SKI: variants seen among roughly 807,000 people sequenced by gnomAD.
The protein encoded by SKI is ski oncogene.
SKI carries 23 observed loss-of-function variants against 59.3 expected under a neutral mutation model. That is an observed-to-expected ratio of 0.39 (90% CI 0.28 to 0.55). SKI has a LOEUF of 0.55. Among genes scored for constraint, SKI ranks in the 20% least tolerant of loss-of-function variants. SKI has a pLI of 0.67. For missense variants in SKI, 1,017 were observed against 1,038.9 expected (o/e 0.98, Z 0.29); for synonymous variants, 673 against 488.6 (o/e 1.38, Z -4.98).
chr1:2,303,741 C>T lies in SKI; in HGVS notation c.1212-99C>T. On this transcript the variant is annotated intron_variant, in intron 3 of 6. Coordinates refer to ENST00000378536, the MANE Select transcript of SKI (RefSeq NM_003036.4). This position sits in a 1 kb window ranked among gnomAD's most constrained non-coding sequence, Gnocchi z 5.6. ...CTTGAAGATTCGGAGCTGGGAAAGT[C>T]TTTCCTGTTTAACACCTTCAGAGGG... 1 of 1,477,720 alleles carries T rather than the reference C, an allele frequency of 6.8e-7. No individual in the cohort carries two copies. Among genetic ancestry groups the T allele is most frequent in the Non-Finnish European group, 9.3e-7 (1 of 1,080,602 alleles). 91.5% of individuals were successfully genotyped at this position (1,477,720 alleles called of 1,614,324 possible). A position where few individuals can be genotyped will look rare whatever the true frequency, so the allele number is the denominator to read the frequency against.
At chr1:2,256,413 C>T (rs1639276345) in intron 1 of SKI, among the ~76,000 whole-genome samples, 1 of 152,260 alleles carries the variant, frequency 6.6e-6, no homozygotes, top group African/African-American at 2.4e-5. Flanking sequence ...CTCAGGATCT[C>T]TGGCTGCTCC....
At position 2,275,511 on chromosome 1, in the gene SKI, G is replaced by A. The variant is rs114998133; in HGVS notation, c.970-27467G>A. Among the ~76,000 whole-genome samples the A allele has an allele frequency of 3.9e-3, 599 of 152,218 alleles. 4 individuals carry two copies. The highest frequency in any genetic ancestry group is 0.036 in the East Asian group (185 of 5,158). Reference sequence around the variant, plus strand: ...GTGGGGAGAGTTTGCTTTTTCCAGAGACGTTTATCTGTTTTTTTTTTAGAC... The same window carrying A: ...GTGGGGAGAGTTTGCTTTTTCCAGAAACGTTTATCTGTTTTTTTTTTAGAC... On this transcript the variant is annotated intron_variant, in intron 1 of 6. Coordinates refer to ENST00000378536, the MANE Select transcript of SKI (RefSeq NM_003036.4).
chr1:2,245,495 C>T (rs537808680), intron 1 of SKI, among the ~76,000 whole-genome samples: 17 of 151,908 alleles, frequency 1.1e-4, no homozygotes, highest in African/African-American at 1.2e-4. Context: ...ATTTTTGAGA[C>T]AGCATCTTGC....
chr1:2,277,558 G>A (rs1162218413), intron 1 of SKI, among the ~76,000 whole-genome samples: 1 of 152,210 alleles, frequency 6.6e-6, no homozygotes, highest in African/African-American at 2.4e-5. Flanking sequence ...CAGCCATGTG[G>A]AACTGTAAGT....
At chr1:2,297,354 A>T (rs1640309687) in intron 1 of SKI, among the ~76,000 whole-genome samples, 1 of 152,130 alleles carries the variant, frequency 6.6e-6, no homozygotes, top group Non-Finnish European at 1.5e-5. Flanking sequence ...AGCGTAGCAG[A>T]GTGTTGCTGG....
intron 1 of SKI, among the ~76,000 whole-genome samples, chr1:2,242,920 T>C (rs1357282384): frequency 6.6e-6 from 1 of 152,270 alleles, no homozygotes; most frequent in Admixed American, 6.5e-5. Flanking sequence ...GGAATATTAT[T>C]GTGACATGCT....
At chr1:2,294,465 G>A (rs143997110) in intron 1 of SKI, among the ~76,000 whole-genome samples, 99 of 152,348 alleles carry the variant, frequency 6.5e-4, no homozygotes, top group Admixed American at 1.5e-3. Flanking sequence ...ACCAGGGCAG[G>A]CCCCAGAGAC....
At chr1:2,278,208 C>A (rs1557835431) in intron 1 of SKI, among the ~76,000 whole-genome samples, 1 of 152,200 alleles carries the variant, frequency 6.6e-6, no homozygotes, top group Non-Finnish European at 1.5e-5. Context: ...CTGTGCCCCA[C>A]CCATCATGGG....
intron 1 of SKI, among the ~76,000 whole-genome samples, chr1:2,248,672 C>T (rs1260532763): frequency 6.6e-6 from 1 of 152,224 alleles, no homozygotes; most frequent in Non-Finnish European, 1.5e-5. Flanking sequence ...TTTTCCTTTG[C>T]CCACAGTGAA....
At chr1:2,295,900 C>A (rs1441070866) in intron 1 of SKI, among the ~76,000 whole-genome samples, 2 of 152,216 alleles carry the variant, frequency 1.3e-5, no homozygotes, top group East Asian at 3.9e-4. Context: ...TGTGCACAAG[C>A]TGTCGTGTGG....
intron 1 of SKI, among the ~76,000 whole-genome samples, chr1:2,235,421 C>T (rs932637177): frequency 1.3e-5 from 2 of 152,332 alleles, no homozygotes; most frequent in East Asian, 3.9e-4. Flanking sequence ...GCCACCTGTT[C>T]TCTCGAGGCC....
At chr1:2,237,775 C>T (rs1203734501) in intron 1 of SKI, among the ~76,000 whole-genome samples, 1 of 152,238 alleles carries the variant, frequency 6.6e-6, no homozygotes, top group African/African-American at 2.4e-5. Context: ...GTTGAGGGAA[C>T]GTGTCTGTCC....
Position 2,273,533 on chromosome 1 carries a change from C to T in SKI, c.970-29445C>T, listed in dbSNP as rs11588666. ...GCCTGGCCCTGCCTCTGTTACTGAG[C>T]TTGAGCCAGGGACACCCGTGACCCT... On this transcript the variant is annotated intron_variant, in intron 1 of 6. Transcript: ENST00000378536. Among the ~76,000 whole-genome samples, 1,010 of 152,260 alleles carry T rather than the reference C, an allele frequency of 6.6e-3. 11 individuals carry two copies. The highest frequency in any genetic ancestry group is 6.9e-3 in the Non-Finnish European group (469 of 68,010).
chr1:2,238,381 G>T (rs925356362), intron 1 of SKI, among the ~76,000 whole-genome samples: 5 of 152,066 alleles, frequency 3.3e-5, no homozygotes, highest in African/African-American at 7.2e-5. Flanking sequence ...TGGAAGGTCG[G>T]CGGCCCTGCG....
intron 1 of SKI, among the ~76,000 whole-genome samples, chr1:2,300,159 T>A (rs1640389604): frequency 6.6e-6 from 1 of 152,230 alleles, no homozygotes; most frequent in Admixed American, 6.5e-5. Flanking sequence ...GCCAGGTAGC[T>A]TGCCTGGTCA....
chr1:2,267,624 C>T lies in SKI; in HGVS notation c.970-35354C>T, dbSNP rs1002535706. Among the ~76,000 whole-genome samples the T allele has an allele frequency of 1.3e-5, 2 of 152,154 alleles. No homozygotes were observed. The highest frequency in any genetic ancestry group is 4.8e-5 in the African/African-American group (2 of 41,426). ...CACTGCACTCTGCTCTCATCGGAAG[C>T]TGGGCAGTGGCCAGAGGCCTGGGAA... On this transcript the variant is annotated intron_variant, in intron 1 of 6. Coordinates refer to ENST00000378536, the MANE Select transcript of SKI (RefSeq NM_003036.4). This position sits in a 1 kb window ranked among gnomAD's most constrained non-coding sequence, Gnocchi z 4.1.
chr1:2,271,315 C>T lies in SKI; in HGVS notation c.970-31663C>T, dbSNP rs899224367. ...AGAAGAGTCTGCTCGGTGGGGGAGC[C>T]GCAGGGGGCTGCTCCCTGTCCAGGC... On this transcript the variant is annotated intron_variant, in intron 1 of 6. Coordinates refer to ENST00000378536, the MANE Select transcript of SKI (RefSeq NM_003036.4). Among the ~76,000 whole-genome samples the T allele has an allele frequency of 3.9e-5, 6 of 151,960 alleles. No homozygotes were observed. The East Asian group carries it at 5.8e-4, about 15-fold the overall frequency.
chr1:2,236,079 G>A (rs765923117), intron 1 of SKI, among the ~76,000 whole-genome samples: 3 of 152,186 alleles, frequency 2.0e-5, no homozygotes, highest in South Asian at 2.1e-4. Flanking sequence ...GCTCTGCCTC[G>A]GTGCCTCTGC....
At chr1:2,261,497 CTATT>C (rs1295388339) in intron 1 of SKI, among the ~76,000 whole-genome samples, 2 of 152,270 alleles carry the variant, frequency 1.3e-5, no homozygotes, top group African/African-American at 4.8e-5. Flanking sequence ...ATTGATTTAT[CTATT>C]GAGGTTTTTT....
Sources: allele counts gnomAD v4.1 joint callset (sites outside exome capture counted in the v4.1 genomes callset), GRCh38; gene constraint gnomAD v4.1.1; non-coding constraint Gnocchi (gnomAD v3.1); transcripts MANE v1.5; gene names NCBI Gene and HGNC (gene_info 2026-07-23, HGNC 2026-07-21).